WWOX: variants seen among roughly 807,000 people sequenced by gnomAD.
WWOX encodes WW domain-containing oxidoreductase.
WWOX carries 69 observed loss-of-function variants against 46.2 expected under a neutral mutation model. The observed-to-expected ratio is 1.49, with a 90% CI of 1.23 to 1.82. WWOX has a LOEUF of 1.82. Ranked by LOEUF, WWOX falls within the 40% of genes most tolerant of loss-of-function variation. The probability of loss-of-function intolerance (pLI) is 0.00; values close to 1 mark genes in which losing one functional copy is unlikely to be tolerated. For missense variants in WWOX, 919 were observed against 542.6 expected (o/e 1.69, Z -6.89); for synonymous variants, 359 against 202.6 (o/e 1.77, Z -6.56).
chr16:78,609,534 C>CT (rs1483112660), intron 8 of WWOX, among the ~76,000 whole-genome samples: 1 of 144,478 alleles, frequency 6.9e-6, no homozygotes, highest in Non-Finnish European at 1.5e-5. Context: ...TTTTTTCTTT[C>CT]TTTCTTTTCT....
intron 8 of WWOX, among the ~76,000 whole-genome samples, chr16:78,540,253 A>AC (rs2043859865): frequency 6.6e-6 from 1 of 151,884 alleles, no homozygotes; most frequent in Non-Finnish European, 1.5e-5. Flanking sequence ...AAAAAAAAAA[A>AC]TGGAATCAAG....
chr16:78,422,866 C>T (rs867930689), intron 6 of WWOX, among the ~76,000 whole-genome samples: 1,500 of 145,324 alleles, frequency 0.01, 171 homozygotes, highest in African/African-American at 0.036. Context: ...CACACACACA[C>T]ACACACACAC....
intron 8 of WWOX, among the ~76,000 whole-genome samples, chr16:78,672,268 T>C (rs553504301): frequency 1.3e-5 from 2 of 152,324 alleles, no homozygotes; most frequent in East Asian, 1.9e-4. Flanking sequence ...AGCATAAAAC[T>C]GTCCCAACCA....
chr16:79,211,768 A>G lies in WWOX; in HGVS notation c.1217A>G (p.Gln406Arg). 1 of 1,614,136 alleles carries G rather than the reference A, an allele frequency of 6.2e-7. No individual in the cohort carries two copies. Among genetic ancestry groups the G allele is most frequent in the Non-Finnish European group, 8.5e-7 (1 of 1,179,998 alleles). The change falls in exon 9 of 9, where the codon CAA becomes CGA. Residue 406 changes from glutamine to arginine, a missense_variant. Transcript: ENST00000566780. ...TLWALSERLIQERLGSQSG is the reference protein window; with the variant it reads ...TLWALSERLIRERLGSQSG ...TGGGCGCTCAGCGAGAGGCTGATCC[A>G]AGAACGGCTTGGCAGCCAGTCCGGC...
intron 8 of WWOX, among the ~76,000 whole-genome samples, chr16:79,100,892 A>G (rs1201235858): frequency 1.3e-5 from 2 of 151,896 alleles, no homozygotes; most frequent in African/African-American, 2.4e-5. Context: ...GGCAAGAACT[A>G]GCTCCATTTG....
chr16:78,830,561 C>A (rs1357472937), intron 8 of WWOX, among the ~76,000 whole-genome samples: 2 of 152,026 alleles, frequency 1.3e-5, no homozygotes, highest in African/African-American at 2.4e-5. Context: ...CCAGCATCTT[C>A]TTTCACCTCT....
intron 4 of WWOX, among the ~76,000 whole-genome samples, chr16:78,153,109 A>G (rs2034473912): frequency 1.3e-5 from 2 of 152,174 alleles, no homozygotes; most frequent in South Asian, 4.1e-4. Context: ...CACGATCTCT[A>G]ACTCTTTGGA....
intron 8 of WWOX, among the ~76,000 whole-genome samples, chr16:78,588,855 G>A (rs916606887): frequency 1.3e-5 from 2 of 152,150 alleles, no homozygotes; most frequent in African/African-American, 2.4e-5. Context: ...TGGTGGTAGT[G>A]GTGATGGGGT....
At chr16:78,519,725 C>T (rs1392260422) in intron 8 of WWOX, among the ~76,000 whole-genome samples, 3 of 152,084 alleles carry the variant, frequency 2.0e-5, no homozygotes, top group Admixed American at 1.3e-4. Context: ...CAAGAGAGAC[C>T]GTTATCCATT....
intron 6 of WWOX, among the ~76,000 whole-genome samples, chr16:78,405,633 T>C (rs1426770019): frequency 1.3e-5 from 2 of 152,246 alleles, no homozygotes; most frequent in Non-Finnish European, 2.9e-5. Flanking sequence ...GTGTTTTTTA[T>C]CTCTCAATGA....
intron 8 of WWOX, chr16:78,525,761 A>T (rs2043449952): frequency 6.6e-6 from 1 of 150,772 alleles, no homozygotes; most frequent in Non-Finnish European, 1.5e-5. Flanking sequence ...CTTCTCCCCC[A>T]GGTTTGTCCC....
At chr16:78,712,422 A>C (rs915674238) in intron 8 of WWOX, among the ~76,000 whole-genome samples, 1 of 151,984 alleles carries the variant, frequency 6.6e-6, no homozygotes, top group African/African-American at 2.4e-5. Flanking sequence ...GAATCGCTTG[A>C]ACCCAGGAGG....
chr16:78,499,884 T>C (rs1243475826), intron 8 of WWOX, among the ~76,000 whole-genome samples: 2 of 152,224 alleles, frequency 1.3e-5, no homozygotes, highest in Admixed American at 6.5e-5. Flanking sequence ...CCGTCTTTAA[T>C]GTGCTATAAA....
At chr16:78,216,565 C>T (rs1209022015) in intron 5 of WWOX, among the ~76,000 whole-genome samples, 3 of 151,906 alleles carry the variant, frequency 2.0e-5, no homozygotes, top group Non-Finnish European at 4.4e-5. Context: ...TGACACATTC[C>T]TCTGCTATGG....
At chr16:78,288,772 G>A (rs768805884) in intron 5 of WWOX, among the ~76,000 whole-genome samples, 5 of 152,056 alleles carry the variant, frequency 3.3e-5, no homozygotes, top group Non-Finnish European at 5.9e-5. Context: ...TAATTTATAG[G>A]CCCAGTCAGC....
intron 8 of WWOX, among the ~76,000 whole-genome samples, chr16:79,112,719 T>C (rs1311122605): frequency 6.6e-6 from 1 of 152,222 alleles, no homozygotes; most frequent in East Asian, 1.9e-4. Context: ...TAAAGTTTAT[T>C]GCCTAGAATA....
chr16:78,983,026 T>G (rs571996769), intron 8 of WWOX, among the ~76,000 whole-genome samples: 1 of 152,194 alleles, frequency 6.6e-6, no homozygotes, highest in Non-Finnish European at 1.5e-5. Flanking sequence ...CCTTTGTTTC[T>G]TTTGTGAAGT....
chr16:78,618,107 C>T (rs2046073772), intron 8 of WWOX, among the ~76,000 whole-genome samples: 1 of 152,180 alleles, frequency 6.6e-6, no homozygotes. Context: ...CACATTTTGC[C>T]TCTGAGAGAC....
chr16:78,560,488 A>T (rs1020296148), intron 8 of WWOX, among the ~76,000 whole-genome samples: 5 of 152,146 alleles, frequency 3.3e-5, no homozygotes, highest in African/African-American at 1.2e-4. Context: ...TACTAAAAAT[A>T]CAAAAATTAG....
Sources: gnomAD v4.1 joint callset for allele counts (sites outside exome capture counted in the v4.1 genomes callset) on GRCh38, gnomAD v4.1.1 for gene constraint, MANE v1.5 for transcripts, NCBI Gene and HGNC (gene_info 2026-07-23, HGNC 2026-07-21) for gene names.